The following MTF2 variants were observed in gnomAD, a reference collection of about 807,000 sequenced individuals.
The protein encoded by MTF2 is metal-response element-binding transcription factor 2.
In MTF2, 11 loss-of-function variants were observed where a neutral mutation model predicts 79.5. That is an observed-to-expected ratio of 0.14 (90% CI 0.09 to 0.23). MTF2 has a LOEUF of 0.23. Among genes scored for constraint, MTF2 ranks in the 10% least tolerant of loss-of-function variants. The pLI, the probability that MTF2 is intolerant of heterozygous loss-of-function variation, is 1.00. For synonymous variants in MTF2, 208 were observed against 232.8 expected (o/e 0.89, Z 0.97); for missense variants, 486 against 711.2 (o/e 0.68, Z 3.60).
chr1:93,084,167 A>G (rs1283877587), intron 1 of MTF2, among the ~76,000 whole-genome samples: 1 of 151,768 alleles, frequency 6.6e-6, no homozygotes, highest in Non-Finnish European at 1.5e-5. Context: ...TTTTTTATAT[A>G]TGGTGTGAGG....
At chr1:93,118,261 CT>C (rs34049352) in intron 6 of MTF2, 83 bp from the exon 7 acceptor site, 241,277 of 504,348 alleles carry the variant, frequency 0.48, 31,626 homozygotes, top group Admixed American at 0.62. Flanking sequence ...GATTAGGCCA[CT>C]TTTTTTTTTT....
At chr1:93,095,582 C>A (rs1226517436) in intron 1 of MTF2, among the ~76,000 whole-genome samples, 1 of 151,856 alleles carries the variant, frequency 6.6e-6, no homozygotes, top group African/African-American at 2.4e-5. Context: ...CTCAGTGATC[C>A]GCCCACATTG....
intron 6 of MTF2, among the ~76,000 whole-genome samples, chr1:93,117,339 T>C (rs1216675065): frequency 1.3e-5 from 2 of 151,868 alleles, no homozygotes; most frequent in Non-Finnish European, 2.9e-5. Context: ...GAAGTCCAGC[T>C]TGGTCAATGT....
intron 1 of MTF2, among the ~76,000 whole-genome samples, chr1:93,108,986 G>A (rs971925347): frequency 6.6e-6 from 1 of 152,066 alleles, no homozygotes; most frequent in Non-Finnish European, 1.5e-5. Flanking sequence ...GCATGTGACA[G>A]GGTTTCCCAG....
chr1:93,103,124 T>C (rs957243412), intron 1 of MTF2, among the ~76,000 whole-genome samples: 1 of 150,848 alleles, frequency 6.6e-6, no homozygotes, highest in Non-Finnish European at 1.5e-5. Context: ...ACAGTGAGAC[T>C]AGCTCAAAAA....
intron 1 of MTF2, among the ~76,000 whole-genome samples, chr1:93,106,219 T>C (rs995386213): frequency 1.2e-4 from 19 of 152,162 alleles, no homozygotes; most frequent in African/African-American, 4.6e-4. Flanking sequence ...CCTTATGACC[T>C]AAGGATGTGC....
rs141909054 is a variant in MTF2 at position 93,134,177 on chromosome 1, G to A, written c.1406G>A (p.Ser469Asn). ...AGTGCAAAAGAAACTACCTCGTCTA[G>A]CATTTCCAGGCATTATGGGTAGATA... Reference protein sequence around the residue: ...ASSAKETTSSSISRHYGLSDS... With the variant: ...ASSAKETTSSNISRHYGLSDS... The change falls in exon 14 of 15, where the codon AGC (serine) becomes AAC (asparagine). Residue 469 changes from serine (S) to asparagine (N), a missense_variant. Ser to Asn is a conservative substitution (Grantham distance 46). This residue lies in a region of MTF2 where 209 missense variants were observed against 206.5 expected (regional missense o/e 1.01). Transcript: ENST00000370298. 8.1e-6 allele frequency: 13 copies of A among 1,605,320 alleles called. No homozygotes were observed. The African/African-American group carries it at 1.2e-4, about 15-fold the overall frequency.
At chr1:93,087,319 C>T (rs1654885650) in intron 1 of MTF2, among the ~76,000 whole-genome samples, 1 of 152,172 alleles carries the variant, frequency 6.6e-6, no homozygotes, top group Non-Finnish European at 1.5e-5. Flanking sequence ...CGCCTGTAAT[C>T]CCAGCACTTT....
At chr1:93,108,580 A>G (rs1423654376) in intron 1 of MTF2, among the ~76,000 whole-genome samples, 2 of 114,844 alleles carry the variant, frequency 1.7e-5, no homozygotes, top group Admixed American at 1.7e-4. Flanking sequence ...TACGTGATAT[A>G]TTGTGTTTCT....
rs1656437431 is a variant in MTF2, at chr1:93,120,680, G to C, written c.921+8G>C. ...AGATTGCACCCTGGAGAGGTAGGTG[G>C]TCTGAGAACTAACTTCAGTAGCTAC... On this transcript the variant is annotated splice_region_variant and intron_variant, in intron 9 of 14. Coordinates refer to ENST00000370298, the MANE Select transcript of MTF2 (RefSeq NM_007358.4). The C allele has an allele frequency of 6.2e-7, 1 of 1,602,394 alleles. No homozygotes were observed. The highest frequency in any genetic ancestry group is 8.5e-7 in the Non-Finnish European group (1 of 1,176,584).
intron 3 of MTF2, 105 bp from the exon 4 acceptor site, chr1:93,114,583 C>G: frequency 2.8e-6 from 2 of 709,062 alleles, no homozygotes; most frequent in Admixed American, 6.4e-5. Context: ...TTATGATGTA[C>G]TTAGCAAACA....
At chr1:93,090,768 G>A (rs372509581) in intron 1 of MTF2, among the ~76,000 whole-genome samples, 2 of 149,888 alleles carry the variant, frequency 1.3e-5, no homozygotes, top group Non-Finnish European at 3.0e-5. Context: ...GGTTCATGCC[G>A]TTCTCCTGCC....
At position 93,080,186 on chromosome 1, in the gene MTF2, T is replaced by C. The variant is rs184423305; in HGVS notation, c.5+655T>C. ...TGGAGCTCACCAAAAATATGAGGCT[T>C]TTCTTGTGTTTAATTAAACCTAACT... On this transcript the variant is annotated intron_variant, in intron 1 of 14. Coordinates refer to ENST00000370298, the MANE Select transcript of MTF2 (RefSeq NM_007358.4). Among the ~76,000 whole-genome samples the C allele has an allele frequency of 4.3e-3, 650 of 152,182 alleles. 11 individuals are homozygous for C. Among genetic ancestry groups the C allele is most frequent in the Admixed American group, 0.033 (505 of 15,280 alleles).
Position 93,096,794 on chromosome 1 carries a change from CTT to C in MTF2, c.6-13430_6-13429del, listed in dbSNP as rs1006024317. 7.2e-5 allele frequency among the ~76,000 whole-genome samples: 9 copies of C among 125,482 alleles called. No homozygotes were observed. The East Asian group carries it at 9.7e-4, about 14-fold the overall frequency. The allele number at this position is 125,482 out of a possible 152,430, so 82.3% of individuals were successfully genotyped here. On this transcript the variant is annotated intron_variant, in intron 1 of 14. Transcript: ENST00000370298. The stretch of plus-strand genomic sequence containing the variant: ...TGGATTATTTAAAAGTGTATATTTT[CTT>C]TTTTTCTTTTTCTTTTTTTTTTTTT...
intron 6 of MTF2, among the ~76,000 whole-genome samples, chr1:93,117,173 C>T (rs889452399): frequency 2.6e-5 from 4 of 151,930 alleles, no homozygotes; most frequent in Admixed American, 6.6e-5. Flanking sequence ...TATTATTTTC[C>T]GATAAAGATA....
At chr1:93,110,113 T>A in intron 1 of MTF2, 117 bp from the exon 2 acceptor site, 1 of 949,344 alleles carries the variant, frequency 1.1e-6, no homozygotes, top group South Asian at 1.7e-5. Context: ...ACTTTTTATA[T>A]TTTTGTCTTA....
At chr1:93,092,242 C>T (rs948556224) in intron 1 of MTF2, among the ~76,000 whole-genome samples, 1 of 152,122 alleles carries the variant, frequency 6.6e-6, no homozygotes, top group African/African-American at 2.4e-5. Context: ...CACATACCAA[C>T]TATTAACATT....
intron 1 of MTF2, among the ~76,000 whole-genome samples, chr1:93,098,734 A>G (rs1301395112): frequency 6.6e-6 from 1 of 152,232 alleles, no homozygotes; most frequent in Non-Finnish European, 1.5e-5. Flanking sequence ...AACCATTACA[A>G]ATAGGAATTG....
At chr1:93,134,523 ATT>A (rs61593326) in intron 14 of MTF2, 4 of 190,636 alleles carry the variant, frequency 2.1e-5, no homozygotes, top group Admixed American at 6.1e-5. Flanking sequence ...GGAAGATATG[ATT>A]TTTTTTTTTC....
Sources: gnomAD v4.1 joint callset for allele counts (sites outside exome capture counted in the v4.1 genomes callset) on GRCh38, gnomAD v4.1.1 for gene constraint, gnomAD v4.1.1 regional missense constraint, MANE v1.5 for transcripts, NCBI Gene and HGNC (gene_info 2026-07-23, HGNC 2026-07-21) for gene names.